WDR19: variants seen among roughly 807,000 people sequenced by gnomAD.
The protein encoded by WDR19 is WD repeat-containing protein 19.
In WDR19, 121 loss-of-function variants were observed where a neutral mutation model predicts 180.0. The ratio of observed to expected loss-of-function variants is 0.67; its 90% CI spans 0.58 to 0.78. WDR19 has a LOEUF of 0.78. Ranked by LOEUF, WDR19 falls within the 30% of genes least tolerant of loss-of-function variation. The pLI is 0.00. For missense variants in WDR19, 1,450 were observed against 1,640.7 expected (o/e 0.88, Z 2.01); for synonymous variants, 497 against 540.7 (o/e 0.92, Z 1.12).
intron 28 of WDR19, among the ~76,000 whole-genome samples, chr4:39,259,960 C>T (rs958520297): frequency 1.8e-4 from 27 of 152,066 alleles, no homozygotes; most frequent in African/African-American, 2.7e-4. Context: ...TTTTAGTTCA[C>T]CTCAGTATCA....
intron 10 of WDR19, among the ~76,000 whole-genome samples, chr4:39,215,372 C>T (rs572762723): frequency 1.8e-4 from 28 of 151,522 alleles, no homozygotes; most frequent in Middle Eastern, 3.4e-3. Context: ...GCTTACTGTA[C>T]ATTTTCTATA....
chr4:39,193,969 C>G (rs1726449621), intron 4 of WDR19, among the ~76,000 whole-genome samples: 1 of 152,238 alleles, frequency 6.6e-6, no homozygotes, highest in Admixed American at 6.5e-5. Flanking sequence ...GAGGTACTCT[C>G]CAAGAAGTTC....
chr4:39,203,709 C>T lies in WDR19; in HGVS notation c.590C>T (p.Ala197Val). The change falls in exon 7 of 37, where the codon GCT becomes GTT. Residue 197 changes from alanine to valine, a missense_variant. Transcript: ENST00000399820. ...ATGAAGATGGATGACCGAACCTCTG[C>T]TGCTGAAAGCATGGTAAGAATTCTA... ...FLMKMDDRTS[A>V]AESMISVVLG... 6.2e-7 allele frequency: 1 copy of T among 1,611,452 alleles called. No individual in the cohort carries two copies. The highest frequency in any genetic ancestry group is 8.5e-7 in the Non-Finnish European group (1 of 1,178,720).
At chr4:39,184,620 C>T (rs998455298) in intron 1 of WDR19, among the ~76,000 whole-genome samples, 3 of 152,014 alleles carry the variant, frequency 2.0e-5, no homozygotes, top group African/African-American at 7.2e-5. Context: ...CAAGCGCCAC[C>T]ATGCCCAGCT....
At chr4:39,221,253 A>G (rs919000992) in intron 14 of WDR19, among the ~76,000 whole-genome samples, 1 of 152,192 alleles carries the variant, frequency 6.6e-6, no homozygotes, top group African/African-American at 2.4e-5. Context: ...CTCATTATCT[A>G]TAAAATACAC....
intron 24 of WDR19, among the ~76,000 whole-genome samples, chr4:39,252,390 GGT>G (rs1733317184): frequency 6.7e-6 from 1 of 149,706 alleles, no homozygotes. Context: ...GATAGCATTA[GGT>G]GATATACCTA....
Position 39,257,469 on chromosome 4 carries a change from T to C in WDR19, c.3115-17T>C, listed in dbSNP as rs1272370029. 3 of 1,564,342 alleles carry C rather than the reference T, an allele frequency of 1.9e-6. No individual in the cohort carries two copies. Among genetic ancestry groups the C allele is most frequent in the African/African-American group, 1.4e-5 (1 of 73,860 alleles). On this transcript the variant is annotated splice_polypyrimidine_tract_variant and intron_variant, in intron 27 of 36. Transcript: ENST00000399820. ...AAACATTCTGAAAATTTTTAATTGC[T>C]GTAATTCGCTTTTCAGGCACTTAAA...
At chr4:39,211,101 G>A (rs1218324968) in intron 9 of WDR19, among the ~76,000 whole-genome samples, 1 of 152,058 alleles carries the variant, frequency 6.6e-6, no homozygotes, top group Non-Finnish European at 1.5e-5. Context: ...TGAGGTGGGA[G>A]GATCACTTGA....
intron 9 of WDR19, among the ~76,000 whole-genome samples, chr4:39,209,513 T>C (rs1728279334): frequency 6.6e-6 from 1 of 151,732 alleles, no homozygotes; most frequent in Non-Finnish European, 1.5e-5. Flanking sequence ...AAATTTTAAA[T>C]ATCAGCCTGA....
At chr4:39,194,879 G>A in intron 5 of WDR19, 1 of 477,412 alleles carries the variant, frequency 2.1e-6, no homozygotes, top group South Asian at 3.8e-5. Flanking sequence ...GTTAAAGTCA[G>A]GCTGTGCCTT....
intron 5 of WDR19, 41 bp downstream of exon 5, chr4:39,194,700 T>C: frequency 7.0e-7 from 1 of 1,433,558 alleles, no homozygotes; most frequent in Non-Finnish European, 9.7e-7. Context: ...TTTGAGATGC[T>C]CTACCTCAAT....
intron 28 of WDR19, 111 bp downstream of exon 28, chr4:39,257,665 A>G (rs1733893825): frequency 1.1e-6 from 1 of 925,460 alleles, no homozygotes; most frequent in Non-Finnish European, 1.6e-6. Flanking sequence ...AAACCCCTAC[A>G]TACCTATCGT....
At chr4:39,281,259 A>AGAGAGAGAGAGAGAGAGAGAGAAAGC (rs1405687425) in intron 36 of WDR19, among the ~76,000 whole-genome samples, 4 of 148,394 alleles carry the variant, frequency 2.7e-5, no homozygotes. Flanking sequence ...AGAGAGAGAG[A>AGAGAGAGAGAGAGAGAGAGAGAAAGC]GAGAAAGCCT....
At chr4:39,262,708 A>C (rs1211839984) in intron 28 of WDR19, among the ~76,000 whole-genome samples, 1 of 152,086 alleles carries the variant, frequency 6.6e-6, no homozygotes, top group African/African-American at 2.4e-5. Context: ...CCTCCCTAGA[A>C]TGGTCTAAGC....
chr4:39,274,274 G>A (rs1478981578), intron 32 of WDR19: 2 of 153,420 alleles, frequency 1.3e-5, no homozygotes, highest in African/African-American at 4.8e-5. Context: ...CTACCATGCG[G>A]GCAAGGTATG....
chr4:39,275,131 G>A, intron 33 of WDR19, 173 bp downstream of exon 33: 2 of 793,722 alleles, frequency 2.5e-6, no homozygotes, highest in South Asian at 1.5e-5. Flanking sequence ...CTTGAGGTCA[G>A]TAGTTCAAGA....
At chr4:39,259,638 A>G (rs1734096253) in intron 28 of WDR19, among the ~76,000 whole-genome samples, 1 of 152,172 alleles carries the variant, frequency 6.6e-6, no homozygotes, top group South Asian at 2.1e-4. Flanking sequence ...CACATTGTTT[A>G]TTCATCAGTT....
At chr4:39,278,720 A>G (rs1736162707) in intron 36 of WDR19, 57 bp downstream of exon 36, 2 of 1,015,600 alleles carry the variant, frequency 2.0e-6, no homozygotes, top group African/African-American at 1.6e-5. Flanking sequence ...GCGTGCACGC[A>G]GCTTTTCACT....
At chr4:39,220,870 A>ATTTTTT (rs34845614) in intron 14 of WDR19, among the ~76,000 whole-genome samples, 4 of 60,646 alleles carry the variant, frequency 6.6e-5, no homozygotes, top group African/African-American at 1.3e-4. Context: ...CTGCTAATTA[A>ATTTTTT]TTTTTTTTTT....
Sources: gnomAD v4.1 joint callset for allele counts (sites outside exome capture counted in the v4.1 genomes callset) on GRCh38, gnomAD v4.1.1 for gene constraint, MANE v1.5 for transcripts, NCBI Gene and HGNC (gene_info 2026-07-23, HGNC 2026-07-21) for gene names.